RSPO2: variants seen among roughly 807,000 people sequenced by gnomAD.
The protein encoded by RSPO2 is R-spondin 2.
Under a neutral mutation model 30.9 loss-of-function variants are expected in RSPO2, and 14 were observed. That is an observed-to-expected ratio of 0.45 (90% CI 0.30 to 0.71). The LOEUF (loss-of-function observed/expected upper bound fraction) is 0.71, where lower values mean the gene tolerates loss of function less well. RSPO2 is among the 30% of genes least tolerant of loss of function. RSPO2 has a pLI of 0.08. For missense variants in RSPO2, 264 were observed against 301.9 expected, an observed-to-expected ratio of 0.87 and a Z score of 0.93; for synonymous variants, 107 against 96.4, an observed-to-expected ratio of 1.11 and a Z score of -0.64.
chr8:108,064,615 T>C (rs1812598852), intron 2 of RSPO2, among the ~76,000 whole-genome samples: 1 of 152,172 alleles, frequency 6.6e-6, no homozygotes, highest in South Asian at 2.1e-4. Context: ...GTCAGTGTGG[T>C]GATTCCTCAA....
At chr8:107,910,768 T>A (rs993554559) in intron 5 of RSPO2, among the ~76,000 whole-genome samples, 40 of 152,206 alleles carry the variant, frequency 2.6e-4, no homozygotes, top group Admixed American at 3.9e-4. Context: ...TGTAAATAAT[T>A]AAAAACAGGT....
chr8:107,917,105 A>G (rs1279189941), intron 5 of RSPO2, among the ~76,000 whole-genome samples: 2 of 152,168 alleles, frequency 1.3e-5, no homozygotes, highest in African/African-American at 4.8e-5. Flanking sequence ...GAGAGAAGGG[A>G]CAGATTCCAC....
chr8:107,949,373 A>G (rs1813170445), intron 5 of RSPO2, among the ~76,000 whole-genome samples: 1 of 150,826 alleles, frequency 6.6e-6, no homozygotes, highest in Non-Finnish European at 1.5e-5. Context: ...TCCATGGTGT[A>G]TATCCACATT....
At position 108,062,665 on chromosome 8, in the gene RSPO2, C is replaced by A. The variant is rs1812509261; in HGVS notation, c.94+19880G>T. Among the ~76,000 whole-genome samples, 4 of 151,846 alleles carry A rather than the reference C, an allele frequency of 2.6e-5. No individual in the cohort carries two copies. In the South Asian group the frequency reaches 8.3e-4, roughly 31 times the overall value. On this transcript the variant is annotated intron_variant, in intron 2 of 5. Transcript: ENST00000276659. ...TCCAATCAACAGAAAAAGACGGAAT[C>A]CTCCCTAACTCATTTTATGAGGCCA...
chr8:108,049,015 T>TTTTATGGCTACATA (rs1421459407), intron 2 of RSPO2, among the ~76,000 whole-genome samples: 1 of 152,158 alleles, frequency 6.6e-6, no homozygotes, highest in African/African-American at 2.4e-5. Context: ...CTAATTTGAT[T>TTTTATGGCTACATA]GCACTGTGGT....
At chr8:107,961,990 A>C (rs1350057914) in intron 3 of RSPO2, among the ~76,000 whole-genome samples, 1 of 152,216 alleles carries the variant, frequency 6.6e-6, no homozygotes, top group Admixed American at 6.5e-5. Context: ...AAAGGAGAGA[A>C]GTTCGCAGGA....
At chr8:107,983,338 T>C (rs958241265) in intron 3 of RSPO2, 8 of 1,609,680 alleles carry the variant, frequency 5.0e-6, no homozygotes, top group African/African-American at 2.7e-5. Context: ...CCAAGAGAGA[T>C]GGAAAAGGGC....
chr8:108,026,560 A>G (rs928089709), intron 2 of RSPO2, among the ~76,000 whole-genome samples: 5 of 152,194 alleles, frequency 3.3e-5, no homozygotes, highest in African/African-American at 1.2e-4. Flanking sequence ...TATAGCAAGT[A>G]TGAAGTATAG....
chr8:107,929,949 T>TCTATTTG (rs1812502046), intron 5 of RSPO2, among the ~76,000 whole-genome samples: 1 of 152,188 alleles, frequency 6.6e-6, no homozygotes, highest in African/African-American at 2.4e-5. Flanking sequence ...AATCTATGCA[T>TCTATTTG]CTATTTGCCT....
intron 5 of RSPO2, among the ~76,000 whole-genome samples, chr8:107,914,493 A>G (rs777609163): frequency 6.6e-6 from 1 of 152,060 alleles, no homozygotes; most frequent in Non-Finnish European, 1.5e-5. Context: ...TAACATTTCT[A>G]TTATAAAAAT....
chr8:107,914,056 G>A (rs916306674), intron 5 of RSPO2, among the ~76,000 whole-genome samples: 1 of 152,032 alleles, frequency 6.6e-6, no homozygotes, highest in Non-Finnish European at 1.5e-5. Context: ...GTGAATCAGA[G>A]GTATCCAAGA....
chr8:108,006,882 G>A (rs180758036), intron 2 of RSPO2, among the ~76,000 whole-genome samples: 227 of 152,234 alleles, frequency 1.5e-3, no homozygotes, highest in African/African-American at 5.0e-3. Flanking sequence ...AGGTAGAGAT[G>A]AAAAGGCACA....
At chr8:107,961,903 C>T (rs1202683849) in intron 3 of RSPO2, among the ~76,000 whole-genome samples, 2 of 152,152 alleles carry the variant, frequency 1.3e-5, no homozygotes, top group Admixed American at 6.5e-5. Context: ...CCCTGGTAGG[C>T]CAGAACATCT....
intron 2 of RSPO2, among the ~76,000 whole-genome samples, chr8:107,992,986 T>C (rs973714383): frequency 2.0e-5 from 3 of 152,124 alleles, no homozygotes; most frequent in Admixed American, 2.0e-4. Context: ...CCAGAGGAAG[T>C]AGAATGCAAC....
chr8:107,973,654 T>C (rs1814098105), intron 3 of RSPO2, among the ~76,000 whole-genome samples: 1 of 152,124 alleles, frequency 6.6e-6, no homozygotes, highest in South Asian at 2.1e-4. Context: ...AAAATGCAGA[T>C]TTACTGAGAG....
At chr8:108,070,386 G>A (rs542343471) in intron 2 of RSPO2, among the ~76,000 whole-genome samples, 28 of 145,740 alleles carry the variant, frequency 1.9e-4, no homozygotes, top group South Asian at 4.5e-4. Context: ...TCCGCTTCCC[G>A]GGTTCACGCC....
intron 5 of RSPO2, among the ~76,000 whole-genome samples, chr8:107,907,842 A>G (rs1158965938): frequency 1.3e-5 from 2 of 152,114 alleles, no homozygotes; most frequent in African/African-American, 2.4e-5. Context: ...TTTATCTAAA[A>G]TAGTATGAAA....
At position 107,937,638 on chromosome 8, in the gene RSPO2, G is replaced by A. The variant is rs181149607; in HGVS notation, c.616+20442C>T. Among the ~76,000 whole-genome samples, 437 of 150,692 alleles carry A rather than the reference G, an allele frequency of 2.9e-3. 7 individuals are homozygous for A. The highest frequency in any genetic ancestry group is 0.024 in the Admixed American group (354 of 15,056). On this transcript the variant is annotated intron_variant, in intron 5 of 5. Transcript: ENST00000276659. ...AGGAAAAAAAAAAAGAGCAACAGAA[G>A]AAGGTGGCCAGAAGTGGAGCCCCAA...
intron 2 of RSPO2, among the ~76,000 whole-genome samples, chr8:108,023,969 C>G (rs1392486175): frequency 6.6e-6 from 1 of 152,036 alleles, no homozygotes; most frequent in African/African-American, 2.4e-5. Context: ...AATAAAAACC[C>G]AGGAAGCATA....
Sources: allele counts gnomAD v4.1 joint callset (sites outside exome capture counted in the v4.1 genomes callset), GRCh38; gene constraint gnomAD v4.1.1; transcripts MANE v1.5; gene names NCBI Gene and HGNC (gene_info 2026-07-23, HGNC 2026-07-21).